PUSL1: variants seen among roughly 807,000 people sequenced by gnomAD.
The protein encoded by PUSL1 is pseudouridine synthase like 1.
In PUSL1, 51 loss-of-function variants were observed where a neutral mutation model predicts 30.7. The observed-to-expected ratio is 1.66, with a 90% confidence interval of 1.33 to 2.10. PUSL1 has a LOEUF of 2.10. PUSL1 is among the 30% of genes most tolerant of loss of function. The pLI, the probability that PUSL1 is intolerant of heterozygous loss-of-function variation, is 0.00. For synonymous variants in PUSL1, 290 were observed against 192.1 expected, an observed-to-expected ratio of 1.51 and a Z score of -4.21; for missense variants, 609 against 427.6, an observed-to-expected ratio of 1.42 and a Z score of -3.74.
chr1:1,309,274 G>C lies in PUSL1; in HGVS notation c.323+1G>C. On this transcript the variant is annotated splice_donor_variant, in intron 3 of 7. Coordinates refer to ENST00000379031, the MANE Select transcript of PUSL1 (RefSeq NM_153339.3). LOFTEE classifies it high-confidence loss of function. The stretch of plus-strand genomic sequence containing the variant: ...CACACCTGCGGCACCCGGCCATCAG[G>C]TGAGCCCGCGACCTAAGCAGCCCTG... 6.8e-7 allele frequency: 1 copy of C among 1,479,004 alleles called. No individual in the cohort carries two copies. The highest frequency in any genetic ancestry group is 1.4e-5 in the South Asian group (1 of 73,358). The allele number at this position is 1,479,004 out of a possible 1,614,324, so 91.6% of individuals were successfully genotyped here.
intron 5 of PUSL1, 198 bp from the exon 6 acceptor site, chr1:1,310,436 G>A (rs184490045): frequency 5.9e-5 from 36 of 606,532 alleles, no homozygotes; most frequent in Middle Eastern, 4.5e-4. Context: ...CCTTGCCCAA[G>A]CATTGTTTCT....
intron 7 of PUSL1, 69 bp from the exon 8 acceptor site, chr1:1,311,261 G>A (rs1194974529): frequency 2.8e-6 from 4 of 1,453,838 alleles, no homozygotes; most frequent in African/African-American, 1.4e-5. Flanking sequence ...CATGGGAGTG[G>A]TCTCAGCGGT....
In PUSL1 at chr1:1,311,367, G is replaced by C. The variant is rs771478270; in HGVS notation, c.900G>C (p.Gly300=). ...ASCTLQGPQF[G]SHG ...GCACCCTGCAGGGGCCACAGTTCGG[G>C]AGCCACGGATGACCCTGGACACTCA... Residue 300 remains glycine (G), a synonymous_variant, in exon 8 of 8, where the codon GGG becomes GGC. Coordinates refer to ENST00000379031, the MANE Select transcript of PUSL1 (RefSeq NM_153339.3). 6.3e-7 allele frequency: 1 copy of C among 1,598,336 alleles called. No individual in the cohort carries two copies. The highest frequency in any genetic ancestry group is 1.1e-5 in the South Asian group (1 of 89,656).
rs759678268 is a variant in PUSL1, at chr1:1,310,988, G to C, written c.779G>C (p.Ser260Thr). Reference protein sequence around the residue: ...APAQVKTILESQDPLGKHQTR... With the variant: ...APAQVKTILETQDPLGKHQTR... ...GCCCAGGTGAAGACGATTCTGGAGA[G>C]CCAAGATCCCCTGGGCAAGCACCAG... Residue 260 changes from serine to threonine, a missense_variant, in exon 7 of 8, where the codon AGC becomes ACC. Ser to Thr is a moderately conservative substitution (Grantham distance 58). Coordinates refer to ENST00000379031, the MANE Select transcript of PUSL1 (RefSeq NM_153339.3). 1.2e-6 allele frequency: 2 copies of C among 1,612,936 alleles called. No individual in the cohort carries two copies. Among genetic ancestry groups the C allele is most frequent in the Non-Finnish European group, 1.7e-6 (2 of 1,179,940 alleles).
Position 1,311,355 on chromosome 1 carries a change from G to A in PUSL1, c.888G>A (p.Gly296=), listed in dbSNP as rs1642140444. The change falls in exon 8 of 8, where the codon GGG becomes GGA. Residue 296 remains glycine, a synonymous_variant. Transcript: ENST00000379031. ...GTGCTGCCTCCTGCACCCTGCAGGG[G>A]CCACAGTTCGGGAGCCACGGATGAC... ...NLGAASCTLQ[G]PQFGSHG 1.9e-6 allele frequency: 3 copies of A among 1,594,780 alleles called. No individual in the cohort carries two copies. The highest frequency in any genetic ancestry group is 2.6e-6 in the Non-Finnish European group (3 of 1,168,906).
chr1:1,310,188 A>G (rs566113268), intron 5 of PUSL1: 36 of 359,372 alleles, frequency 1.0e-4, no homozygotes, highest in African/African-American at 5.0e-4. Flanking sequence ...CCCGAGGGCC[A>G]CCCACCAGGT....
chr1:1,310,653 C>A lies in PUSL1; in HGVS notation c.664C>A (p.Leu222Met). The A allele has an allele frequency of 6.3e-7, 1 of 1,583,422 alleles. No individual in the cohort carries two copies. The change falls in exon 6 of 8, where the codon CTG becomes ATG. Residue 222 changes from leucine to methionine, a missense_variant. By Grantham distance (15) the Leu-to-Met change is conservative. Coordinates refer to ENST00000379031, the MANE Select transcript of PUSL1 (RefSeq NM_153339.3). ...EESRKLRFWN[L>M]EFESQSFLYR... Reference sequence around the variant, plus strand: ...TTCCAGGAAGCTGCGGTTCTGGAACCTGGAGTTTGAGAGCCAGTCTTTCCT... The same window carrying A: ...TTCCAGGAAGCTGCGGTTCTGGAACATGGAGTTTGAGAGCCAGTCTTTCCT...
rs772194557 is a variant in PUSL1 at position 1,309,572 on chromosome 1, G to C, written c.442G>C (p.Glu148Gln). 4 of 1,612,108 alleles carry C rather than the reference G, an allele frequency of 2.5e-6. No individual in the cohort carries two copies. The South Asian group carries it at 3.3e-5, about 13-fold the overall frequency. ...CCGGCGTGATGAGCTGCCGGTGTTT[G>C]AACGCAACCTATGCTGGACTCTCCC... ...CHRRDELPVF[E>Q]RNLCWTLPAD... The change falls in exon 4 of 8, where the codon GAA becomes CAA. Residue 148 changes from glutamate (E) to glutamine (Q), a missense_variant. Coordinates refer to ENST00000379031, the MANE Select transcript of PUSL1 (RefSeq NM_153339.3).
intron 7 of PUSL1, 69 bp from the exon 8 acceptor site, chr1:1,311,261 G>T: frequency 6.9e-7 from 1 of 1,453,838 alleles, no homozygotes. Flanking sequence ...CATGGGAGTG[G>T]TCTCAGCGGT....
chr1:1,311,568 G>A lies in PUSL1; in HGVS notation c.*189G>A, dbSNP rs778540920. On this transcript the variant is annotated 3_prime_UTR_variant, in exon 8 of 8. Coordinates refer to ENST00000379031, the MANE Select transcript of PUSL1 (RefSeq NM_153339.3). ...GGGATGGGGCACAGTGCAGGACACA[G>A]CCATGTACACCAAGAAGAGAGTACC... 6 of 730,872 alleles carry A rather than the reference G, an allele frequency of 8.2e-6. No individual in the cohort carries two copies. Among genetic ancestry groups the A allele is most frequent in the East Asian group, 2.7e-5 (1 of 37,398 alleles). 45.3% of individuals were successfully genotyped at this position (730,872 alleles called of 1,614,324 possible).
Position 1,309,292 on chromosome 1 carries a change from C to T in PUSL1, c.323+19C>T. 6.8e-7 allele frequency: 1 copy of T among 1,469,758 alleles called. No homozygotes were observed. Among genetic ancestry groups the T allele is most frequent in the Non-Finnish European group, 9.0e-7 (1 of 1,110,362 alleles). 91.0% of individuals were successfully genotyped at this position (1,469,758 alleles called of 1,614,324 possible). A position where few individuals can be genotyped will look rare whatever the true frequency, so the allele number is the denominator to read the frequency against. ...CCATCAGGTGAGCCCGCGACCTAAG[C>T]AGCCCTGGGGCTGTGCCTTCCCGAC... On this transcript the variant is annotated intron_variant, in intron 3 of 7. Transcript: ENST00000379031.
chr1:1,308,787 G>A lies in PUSL1; in HGVS notation c.77+67G>A, dbSNP rs945132082. 65 of 1,451,306 alleles carry A rather than the reference G, an allele frequency of 4.5e-5. No homozygotes were observed. The Admixed American group carries it at 1.5e-3, about 33-fold the overall frequency. The allele number at this position is 1,451,306 out of a possible 1,614,324, so 89.9% of individuals were successfully genotyped here. ...GGCGGAGGCGGGAAGGAGGGCGCGG[G>A]CGGGCAGGCGGATGTCTCTGGACGC... On this transcript the variant is annotated intron_variant, in intron 1 of 7. Transcript: ENST00000379031.
At chr1:1,310,148 T>G (rs893055795) in intron 5 of PUSL1, 21 of 439,928 alleles carry the variant, frequency 4.8e-5, no homozygotes, top group South Asian at 1.4e-4. Flanking sequence ...GTGGTTCTGG[T>G]GGGGTGGTTT....
chr1:1,308,697 C>A lies in PUSL1; in HGVS notation c.54C>A (p.Phe18Leu). ...TGCGCGCGCGCTATCTTGTGTACTT[C>A]CAGTACGTGGGCACCGACTTTAAGT... ...GSVRARYLVY[F>L]QYVGTDFNGV... The change falls in exon 1 of 8, where the codon TTC becomes TTA. Residue 18 changes from phenylalanine to leucine, a missense_variant. By Grantham distance (22) the Phe-to-Leu change is conservative (BLOSUM62 0). Transcript: ENST00000379031. The A allele has an allele frequency of 6.4e-7, 1 of 1,557,500 alleles. No individual in the cohort carries two copies. Among genetic ancestry groups the A allele is most frequent in the Non-Finnish European group, 8.7e-7 (1 of 1,155,328 alleles).
Position 1,311,495 on chromosome 1 carries a change from C to T in PUSL1, c.*116C>T, listed in dbSNP as rs749701654. On this transcript the variant is annotated 3_prime_UTR_variant, in exon 8 of 8. Coordinates refer to ENST00000379031, the MANE Select transcript of PUSL1 (RefSeq NM_153339.3). ...ACTGCTGCCTGGTCTCCACAGTAGC[C>T]TCCCTGCCCGGGTCCCAGCACCCTG... 306 of 1,128,560 alleles carry T rather than the reference C, an allele frequency of 2.7e-4. No individual in the cohort carries two copies. Among genetic ancestry groups the T allele is most frequent in the Non-Finnish European group, 3.7e-4 (289 of 772,056 alleles). 69.9% of individuals were successfully genotyped at this position (1,128,560 alleles called of 1,614,324 possible). A position where few individuals can be genotyped will look rare whatever the true frequency, so the allele number is the denominator to read the frequency against.
chr1:1,308,790 G>T, intron 1 of PUSL1, 70 bp downstream of exon 1: 1 of 1,453,592 alleles, frequency 6.9e-7, no homozygotes, highest in Non-Finnish European at 9.2e-7. Flanking sequence ...GGCGCGGGCG[G>T]GCAGGCGGAT....
chr1:1,310,867 G>A (rs201527149), intron 6 of PUSL1, 42 bp from the exon 7 acceptor site: 1 of 1,606,466 alleles, frequency 6.2e-7, no homozygotes, highest in Admixed American at 1.7e-5. Context: ...TGTGCTGGTG[G>A]GTCACGGGCG....
Position 1,311,064 on chromosome 1 carries a change from GA to G in PUSL1, c.857del (p.Asn286ThrfsTer27), listed in dbSNP as rs777917545. ...GLFLKSVLYG[N>X]LGAASCTLQG... The stretch of plus-strand genomic sequence containing the variant: ...TATTCCTCAAGTCAGTGCTGTACGG[GA>G]ACCTCGGTAAGAAAAACAGGCACGA... On this transcript the variant is annotated frameshift_variant, in exon 7 of 8. Transcript: ENST00000379031. LOFTEE classifies it low-confidence loss of function (END_TRUNC). 4 of 1,598,814 alleles carry G rather than the reference GA, an allele frequency of 2.5e-6. No homozygotes were observed. The Admixed American group carries it at 5.0e-5, about 20-fold the overall frequency.
intron 7 of PUSL1, 57 bp from the exon 8 acceptor site, chr1:1,311,273 G>A: frequency 3.4e-6 from 5 of 1,476,218 alleles, no homozygotes; most frequent in Non-Finnish European, 4.5e-6. Context: ...CTCAGCGGTG[G>A]GGAGGGTGCT....
Sources: allele counts gnomAD v4.1 joint callset, GRCh38; gene constraint gnomAD v4.1.1; transcripts MANE v1.5; gene names NCBI Gene and HGNC (gene_info 2026-07-23, HGNC 2026-07-21).